Variants in CFAP47 observed in about 807,000 individuals in gnomAD.
CFAP47 encodes the protein cilia and flagella associated protein 47, also known as cilia- and flagella-associated protein 47.
Under a neutral mutation model 148.1 loss-of-function variants are expected in CFAP47, and 29 were observed. That is an observed-to-expected ratio of 0.20 (90% CI 0.15 to 0.27). The LOEUF is 0.27. Ranked by LOEUF, CFAP47 falls within the 10% of genes least tolerant of loss-of-function variation. The pLI is 1.00. For synonymous variants in CFAP47, 664 were observed against 577.3 expected (o/e 1.15, Z -2.15); for missense variants, 1,872 against 1,697.5 (o/e 1.10, Z -1.81).
intron 35 of CFAP47, chrX:36,144,771 A>G (rs745601715): frequency 9.7e-6 from 10 of 1,026,272 alleles, no homozygotes; most frequent in Non-Finnish European, 1.3e-5. Flanking sequence ...CCTTTGGAGC[A>G]GGATGCATTT....
intron 27 of CFAP47, among the ~76,000 whole-genome samples, chrX:36,066,477 A>G (rs1190534023): frequency 9.0e-6 from 1 of 111,699 alleles, no homozygotes; most frequent in African/African-American, 3.3e-5. Context: ...AATAGAGGCC[A>G]TTAAGCAGTA....
intron 39 of CFAP47, among the ~76,000 whole-genome samples, chrX:36,178,277 G>A (rs942894161): frequency 3.5e-4 from 39 of 110,446 alleles, no homozygotes; most frequent in African/African-American, 1.2e-3. Context: ...CCAAACCTCA[G>A]CATCATGCAA....
At chrX:36,067,697 C>G (rs1343856182) in intron 27 of CFAP47, among the ~76,000 whole-genome samples, 1 of 100,770 alleles carries the variant, frequency 9.9e-6, no homozygotes, top group Admixed American at 1.1e-4. Flanking sequence ...GAGTCTCGCT[C>G]TGTCTCCTAG....
chrX:35,923,509 TG>T (rs1320134330), intron 1 of CFAP47, among the ~76,000 whole-genome samples: 1 of 111,240 alleles, frequency 9.0e-6, no homozygotes, highest in Non-Finnish European at 1.9e-5. Flanking sequence ...CAAATTCCCA[TG>T]GATAAAGCAT....
At chrX:36,340,796 C>T in intron 57 of CFAP47, among the ~76,000 whole-genome samples, 1 of 110,516 alleles carries the variant, frequency 9.0e-6, no homozygotes, top group Non-Finnish European at 1.9e-5. Flanking sequence ...TTCAAACCAC[C>T]AATAGAGTAA....
In CFAP47 at chrX:36,108,497, C is replaced by A. The variant is rs73470988; in HGVS notation, c.5320+3806C>A. ...TTTGATTCTATCCACAAGTTATCTT[C>A]TGAATCTACCTACTTTTTTCTAGCT... On this transcript the variant is annotated intron_variant, in intron 33 of 63. Transcript: ENST00000378653. Among the ~76,000 whole-genome samples, 1,082 of 111,931 alleles carry A rather than the reference C, an allele frequency of 9.7e-3. 8 individuals are homozygous for A. Among genetic ancestry groups the A allele is most frequent in the African/African-American group, 0.033 (1,021 of 30,838 alleles).
intron 63 of CFAP47, among the ~76,000 whole-genome samples, chrX:36,383,085 G>A (rs1942093033): frequency 9.0e-6 from 1 of 110,826 alleles, no homozygotes; most frequent in South Asian, 3.8e-4. Context: ...TAGCTGTTTG[G>A]AATGAAGAGT....
intron 62 of CFAP47, among the ~76,000 whole-genome samples, chrX:36,371,896 A>G (rs1213191431): frequency 4.9e-5 from 4 of 82,134 alleles, no homozygotes; most frequent in Non-Finnish European, 9.0e-5. Flanking sequence ...GCATATACAC[A>G]CATGTGTATA....
chrX:35,953,509 A>T, intron 6 of CFAP47, 83 bp from the exon 7 acceptor site: 1 of 712,563 alleles, frequency 1.4e-6, no homozygotes, highest in Admixed American at 3.4e-5. Flanking sequence ...ATAGATTTAA[A>T]GATTGGATTG....
chrX:35,930,615 T>C (rs1935812692), intron 2 of CFAP47, among the ~76,000 whole-genome samples: 1 of 111,475 alleles, frequency 9.0e-6, no homozygotes, highest in Non-Finnish European at 1.9e-5. Flanking sequence ...ATGAATTTAG[T>C]TTTTTGATGC....
At chrX:36,347,019 A>G (rs998397008) in intron 57 of CFAP47, among the ~76,000 whole-genome samples, 1 of 112,181 alleles carries the variant, frequency 8.9e-6, no homozygotes, top group Non-Finnish European at 1.9e-5. Context: ...GAATGGGAGA[A>G]AATGTTTGCA....
intron 33 of CFAP47, among the ~76,000 whole-genome samples, chrX:36,123,108 C>T (rs1218424175): frequency 3.6e-5 from 4 of 112,129 alleles, no homozygotes; most frequent in African/African-American, 9.7e-5. Context: ...TCTGGATTAT[C>T]AGGCAGAGAC....
At position 36,361,465 on chromosome X, in the gene CFAP47, T is replaced by C. The variant is rs920857791; in HGVS notation, c.8987T>C (p.Ile2996Thr). The C allele has an allele frequency of 6.4e-6, 7 of 1,086,090 alleles. No individual in the cohort carries two copies. The highest frequency in any genetic ancestry group is 2.6e-4 in the Middle Eastern group (1 of 3,867). 89.5% of individuals were successfully genotyped at this position (1,086,090 alleles called of 1,213,427 possible). A position where few individuals can be genotyped will look rare whatever the true frequency, so the allele number is the denominator to read the frequency against. ...YDIMAKRITF[I>T]FNLVFTPKKP... ...ATTATGGCTAAAAGGATAACATTTA[T>C]CTTCAATCTGGTATTCACACCAAAG... The change falls in exon 61 of 64, where the codon ATC becomes ACC. Residue 2996 changes from isoleucine (I) to threonine (T), a missense_variant. Physicochemically the swap from Ile to Thr is moderately conservative, Grantham distance 89 (BLOSUM62 -1). Coordinates refer to ENST00000378653, the MANE Select transcript of CFAP47 (RefSeq NM_001304548.2).
intron 33 of CFAP47, among the ~76,000 whole-genome samples, chrX:36,132,740 A>C (rs1818246379): frequency 9.0e-6 from 1 of 111,723 alleles, no homozygotes; most frequent in Non-Finnish European, 1.9e-5. Context: ...CCTTGGAAGA[A>C]TCATTGTCAT....
intron 49 of CFAP47, among the ~76,000 whole-genome samples, chrX:36,263,968 T>G (rs1348499671): frequency 9.0e-6 from 1 of 111,610 alleles, no homozygotes; most frequent in Non-Finnish European, 1.9e-5. Flanking sequence ...GACTCTTCAG[T>G]TAGCACGTGA....
chrX:36,145,076 C>CGTGT lies in CFAP47; in HGVS notation c.5536-112_5536-109dup, dbSNP rs199883553. The CGTGT allele has an allele frequency of 9.2e-3, 2,702 of 293,691 alleles. 50 individuals carry two copies. The highest frequency in any genetic ancestry group is 0.053 in the African/African-American group (1,827 of 34,281). The allele number at this position is 293,691 out of a possible 1,213,427, so 24.2% of individuals were successfully genotyped here. ...AAATTCCCGTTTATATATATATATGCGTGTGTGTGTGTGTGTGTGTGTGTG... is the reference window on the plus strand; with the variant it reads ...AAATTCCCGTTTATATATATATATGCGTGTGTGTGTGTGTGTGTGTGTGTGTGTG... On this transcript the variant is annotated intron_variant, in intron 35 of 63. Coordinates refer to ENST00000378653, the MANE Select transcript of CFAP47 (RefSeq NM_001304548.2).
At chrX:36,299,174 A>T (rs1461067950) in intron 52 of CFAP47, 22 bp downstream of exon 52, 1 of 932,873 alleles carries the variant, frequency 1.1e-6, no homozygotes, top group Non-Finnish European at 1.4e-6. Flanking sequence ...GTGTGGCATT[A>T]TATTTCATTG....
rs781974489 is a variant in CFAP47 at position 36,385,288 on chromosome X, C to T, written c.*282C>T. 7 of 228,618 alleles carry T rather than the reference C, an allele frequency of 3.1e-5. No homozygotes were observed. Among genetic ancestry groups the T allele is most frequent in the East Asian group, 9.5e-5 (1 of 10,529 alleles). The allele number at this position is 228,618 out of a possible 1,213,427, so 18.8% of individuals were successfully genotyped here. A position where few individuals can be genotyped will look rare whatever the true frequency, so the allele number is the denominator to read the frequency against. On this transcript the variant is annotated 3_prime_UTR_variant, in exon 64 of 64. Transcript: ENST00000378653. ...ATGACAACAGTATTTCCAATAACAG[C>T]GTTGCTAATAAAGCTAAATGTCTCA...
At chrX:36,195,317 A>G (rs1306230499) in intron 42 of CFAP47, among the ~76,000 whole-genome samples, 3 of 112,404 alleles carry the variant, frequency 2.7e-5, no homozygotes, top group African/African-American at 9.7e-5. Flanking sequence ...AGAAGATTCT[A>G]TGAACACAGC....
Sources: gnomAD v4.1 joint callset for allele counts (sites outside exome capture counted in the v4.1 genomes callset) on GRCh38, gnomAD v4.1.1 for gene constraint, MANE v1.5 for transcripts, NCBI Gene and HGNC (gene_info 2026-07-23, HGNC 2026-07-21) for gene names.